Variants in PDE3A observed in about 807,000 individuals in gnomAD.
PDE3A encodes cGMP-inhibited 3',5'-cyclic phosphodiesterase 3A.
In PDE3A, 43 loss-of-function variants were observed where a neutral mutation model predicts 98.3. That is an observed-to-expected ratio of 0.44 (90% CI 0.34 to 0.56). The LOEUF (loss-of-function observed/expected upper bound fraction) is 0.56, where lower values mean the gene tolerates loss of function less well. Among genes scored for constraint, PDE3A ranks in the 20% least tolerant of loss-of-function variants. The pLI is 0.01. For missense variants in PDE3A, 1,427 were observed against 1,440.7 expected (o/e 0.99, Z 0.15); for synonymous variants, 663 against 567.9 (o/e 1.17, Z -2.38).
At chr12:20,518,739 AT>A (rs1337493524) in intron 1 of PDE3A, among the ~76,000 whole-genome samples, 1 of 152,166 alleles carries the variant, frequency 6.6e-6, no homozygotes, top group Non-Finnish European at 1.5e-5. Context: ...TCACTTAATA[AT>A]GGATTTAAAT....
At chr12:20,533,045 G>C (rs111228283) in intron 1 of PDE3A, among the ~76,000 whole-genome samples, 3 of 152,260 alleles carry the variant, frequency 2.0e-5, no homozygotes, top group African/African-American at 7.2e-5. Context: ...GCTATATTGA[G>C]ATAACTTTCA....
intron 1 of PDE3A, among the ~76,000 whole-genome samples, chr12:20,414,437 C>A (rs1240705012): frequency 6.6e-6 from 1 of 152,168 alleles, no homozygotes; most frequent in Non-Finnish European, 1.5e-5. Flanking sequence ...GTATAAATTT[C>A]TCTAAGTCAT....
intron 14 of PDE3A, among the ~76,000 whole-genome samples, chr12:20,650,884 T>C (rs1944900327): frequency 6.6e-6 from 1 of 152,096 alleles, no homozygotes; most frequent in South Asian, 2.1e-4. Context: ...GAAATACTGT[T>C]TTTTTATAGA....
At position 20,370,063 on chromosome 12, in the gene PDE3A, C is replaced by T. The variant is rs778054475; in HGVS notation, c.779C>T (p.Pro260Leu). 1 of 1,612,662 alleles carries T rather than the reference C, an allele frequency of 6.2e-7. No individual in the cohort carries two copies. Residue 260 changes from proline (P) to leucine (L), a missense_variant, in exon 1 of 16, where the codon CCG (proline) becomes CTG (leucine). Transcript: ENST00000359062. ...LLARYVEQIL[P>L]QSAEAAPREH... The stretch of plus-strand genomic sequence containing the variant: ...GCCAGGTACGTGGAACAAATCTTGC[C>T]GCAGTCCGCGGAGGCGGCTCCAAGG...
intron 1 of PDE3A, among the ~76,000 whole-genome samples, chr12:20,421,221 T>G (rs1296179008): frequency 1.3e-5 from 2 of 152,162 alleles, no homozygotes; most frequent in Admixed American, 6.5e-5. Context: ...GCACATATAT[T>G]TGTATATCTT....
Position 20,552,586 on chromosome 12 carries a change from G to A in PDE3A, c.961-4074G>A. ...GGGCAAGTGGAAGCGGAAGTCGGCA[G>A]GAGGTGGCCCGAGCAGGGCCGGGTC... On this transcript the variant is annotated intron_variant, in intron 1 of 15. Coordinates refer to ENST00000359062, the MANE Select transcript of PDE3A (RefSeq NM_000921.5). The surrounding 1 kb of genome is among the most constrained non-coding windows in gnomAD (Gnocchi z 5.1). 3 of 1,613,860 alleles carry A rather than the reference G, an allele frequency of 1.9e-6. No individual in the cohort carries two copies. Among genetic ancestry groups the A allele is most frequent in the African/African-American group, 1.3e-5 (1 of 75,066 alleles).
At chr12:20,399,235 G>C (rs542944208) in intron 1 of PDE3A, among the ~76,000 whole-genome samples, 1 of 152,128 alleles carries the variant, frequency 6.6e-6, no homozygotes, top group South Asian at 2.1e-4. Flanking sequence ...TGGATACTTG[G>C]GTTGCTTTCA....
intron 1 of PDE3A, among the ~76,000 whole-genome samples, chr12:20,540,163 T>C (rs998896743): frequency 6.6e-6 from 1 of 152,174 alleles, no homozygotes. Context: ...GTGACTCTTA[T>C]GAATTGAATA....
chr12:20,587,541 C>A (rs949578670), intron 2 of PDE3A, among the ~76,000 whole-genome samples: 1 of 151,916 alleles, frequency 6.6e-6, no homozygotes, highest in African/African-American at 2.4e-5. Flanking sequence ...ATTCAGTTGA[C>A]CTGTTTGTCT....
Position 20,598,664 on chromosome 12 carries a change from A to G in PDE3A, c.1012-14779A>G, listed in dbSNP as rs145603668. The stretch of plus-strand genomic sequence containing the variant: ...ATTAACTCACAAGTGAATTATTCAC[A>G]AATTATTTTGTGAAGCCTGGGGTAC... On this transcript the variant is annotated intron_variant, in intron 2 of 15. Transcript: ENST00000359062. 3.9e-3 allele frequency among the ~76,000 whole-genome samples: 587 copies of G among 152,318 alleles called. 3 individuals carry two copies. Among genetic ancestry groups the G allele is most frequent in the Non-Finnish European group, 7.0e-3 (474 of 68,022 alleles).
At position 20,606,195 on chromosome 12, in the gene PDE3A, T is replaced by C. The variant is rs182762365; in HGVS notation, c.1012-7248T>C. Among the ~76,000 whole-genome samples, 241 of 152,334 alleles carry C rather than the reference T, an allele frequency of 1.6e-3. 1 individual carries two copies. The highest frequency in any genetic ancestry group is 5.2e-3 in the African/African-American group (216 of 41,578). On this transcript the variant is annotated intron_variant, in intron 2 of 15. Coordinates refer to ENST00000359062, the MANE Select transcript of PDE3A (RefSeq NM_000921.5). The stretch of plus-strand genomic sequence containing the variant: ...CCTTTACTTTCTTTAAAAAAAATGA[T>C]GTGTATCTGCTTTTTTTTGTTTGTT...
Position 20,552,996 on chromosome 12 carries a change from C to T in PDE3A, c.961-3664C>T, listed in dbSNP as rs920369904. On this transcript the variant is annotated intron_variant, in intron 1 of 15. Transcript: ENST00000359062. The surrounding 1 kb of genome is among the most constrained non-coding windows in gnomAD (Gnocchi z 5.1). ...TCCTCAACCAGCTCTTCCCCGGCTACGGCAATGGCCGGTGATCTCCAAGCA... is the reference window on the plus strand; with the variant it reads ...TCCTCAACCAGCTCTTCCCCGGCTATGGCAATGGCCGGTGATCTCCAAGCA... The T allele has an allele frequency of 5.1e-6, 8 of 1,562,064 alleles. No individual in the cohort carries two copies. Among genetic ancestry groups the T allele is most frequent in the Middle Eastern group, 2.2e-4 (1 of 4,634 alleles).
rs1002853079 is a variant in PDE3A at position 20,499,036 on chromosome 12, C to A, written c.961-57624C>A. On this transcript the variant is annotated intron_variant, in intron 1 of 15. Coordinates refer to ENST00000359062, the MANE Select transcript of PDE3A (RefSeq NM_000921.5). Reference sequence around the variant, plus strand: ...GCATGTGTTTTTGCACTTTTGGGGCCATGGAAAGTAAGGATTAAAAAATTA... The same window carrying A: ...GCATGTGTTTTTGCACTTTTGGGGCAATGGAAAGTAAGGATTAAAAAATTA... Among the ~76,000 whole-genome samples the A allele has an allele frequency of 2.0e-5, 3 of 152,058 alleles. No homozygotes were observed. The East Asian group carries it at 5.8e-4, about 29-fold the overall frequency.
Position 20,552,737 on chromosome 12 carries a change from A to G in PDE3A, c.961-3923A>G. Reference sequence around the variant, plus strand: ...AATGAGGTCCTGGCGTCACTCAAGGACCGGCCGGCGAGCGGCAGCCCGTTC... The same window carrying G: ...AATGAGGTCCTGGCGTCACTCAAGGGCCGGCCGGCGAGCGGCAGCCCGTTC... On this transcript the variant is annotated intron_variant, in intron 1 of 15. Coordinates refer to ENST00000359062, the MANE Select transcript of PDE3A (RefSeq NM_000921.5). This position sits in a 1 kb window ranked among gnomAD's most constrained non-coding sequence, Gnocchi z 5.1. 1 of 1,614,038 alleles carries G rather than the reference A, an allele frequency of 6.2e-7. No homozygotes were observed. The highest frequency in any genetic ancestry group is 8.5e-7 in the Non-Finnish European group (1 of 1,179,888).
intron 15 of PDE3A, among the ~76,000 whole-genome samples, chr12:20,659,142 A>C (rs934399149): frequency 2.6e-5 from 4 of 152,300 alleles, no homozygotes; most frequent in African/African-American, 9.6e-5. Flanking sequence ...CATCTCATGA[A>C]GAAATTATGA....
intron 2 of PDE3A, among the ~76,000 whole-genome samples, chr12:20,586,236 T>C (rs768618233): frequency 3.3e-5 from 5 of 152,212 alleles, no homozygotes; most frequent in South Asian, 2.1e-4. Flanking sequence ...ATGGAAATGA[T>C]TGGGAAAGGA....
chr12:20,395,361 CAG>C (rs941535721), intron 1 of PDE3A, among the ~76,000 whole-genome samples: 4 of 151,552 alleles, frequency 2.6e-5, no homozygotes, highest in African/African-American at 9.7e-5. Context: ...TATGGTTATA[CAG>C]AGAGTGAGAT....
rs1417815648 is a variant in PDE3A, at chr12:20,636,991, T to A, written c.2002-109T>A. ...AGATCACTTATTCACCTTGGAGTTTTAAGTCATTTATTTCCGATAGCCACA... is the reference window on the plus strand; with the variant it reads ...AGATCACTTATTCACCTTGGAGTTTAAAGTCATTTATTTCCGATAGCCACA... On this transcript the variant is annotated intron_variant, in intron 8 of 15. Coordinates refer to ENST00000359062, the MANE Select transcript of PDE3A (RefSeq NM_000921.5). The A allele has an allele frequency of 4.4e-6, 3 of 676,236 alleles. No individual in the cohort carries two copies. In the Admixed American group the frequency reaches 1.1e-4, roughly 24 times the overall value. 41.9% of individuals were successfully genotyped at this position (676,236 alleles called of 1,614,324 possible). A position where few individuals can be genotyped will look rare whatever the true frequency, so the allele number is the denominator to read the frequency against.
intron 2 of PDE3A, among the ~76,000 whole-genome samples, chr12:20,568,514 A>G (rs1942716248): frequency 1.3e-5 from 2 of 152,038 alleles, no homozygotes; most frequent in Middle Eastern, 3.4e-3. Flanking sequence ...TGTTATACAT[A>G]TTATATGCAT....
Sources: gnomAD v4.1 joint callset for allele counts (sites outside exome capture counted in the v4.1 genomes callset) on GRCh38, gnomAD v4.1.1 for gene constraint, Gnocchi (gnomAD v3.1) non-coding constraint, MANE v1.5 for transcripts, NCBI Gene and HGNC (gene_info 2026-07-23, HGNC 2026-07-21) for gene names.